Variants in COL4A5 observed in about 807,000 individuals in gnomAD.
The protein encoded by COL4A5 is collagen alpha-5(IV) chain.
Under a neutral mutation model 130.2 loss-of-function variants are expected in COL4A5, and 26 were observed. The ratio of observed to expected loss-of-function variants is 0.20; its 90% CI spans 0.15 to 0.28. COL4A5 has a LOEUF of 0.28. Among genes scored for constraint, COL4A5 ranks in the 10% least tolerant of loss-of-function variants. COL4A5 has a pLI of 1.00. For missense variants in COL4A5, 1,131 were observed against 1,344.3 expected, an observed-to-expected ratio of 0.84 and a Z score of 2.48; for synonymous variants, 496 against 439.6, an observed-to-expected ratio of 1.13 and a Z score of -1.60.
chrX:108,481,277 A>G (rs181403120), intron 1 of COL4A5, among the ~76,000 whole-genome samples: 62 of 111,230 alleles, frequency 5.6e-4, no homozygotes, highest in Non-Finnish European at 1.1e-3. Flanking sequence ...ATGCATAGTT[A>G]CCATGGTAAA....
chrX:108,642,941 A>G (rs1315756196), intron 36 of COL4A5, among the ~76,000 whole-genome samples: 1 of 110,744 alleles, frequency 9.0e-6, no homozygotes, highest in East Asian at 2.8e-4. Flanking sequence ...AGAATTCAGG[A>G]GGTTACTTAT....
chrX:108,444,986 C>T (rs747744374), intron 1 of COL4A5, among the ~76,000 whole-genome samples: 2 of 111,094 alleles, frequency 1.8e-5, no homozygotes, highest in Non-Finnish European at 3.8e-5. Context: ...TTAATTTCCT[C>T]ATTGGCAAAA....
chrX:108,511,519 GA>G (rs1226605802), intron 1 of COL4A5, among the ~76,000 whole-genome samples: 60 of 111,444 alleles, frequency 5.4e-4, no homozygotes, highest in African/African-American at 2.0e-3. Flanking sequence ...AAACAGTCTT[GA>G]AAAAGAACAA....
At chrX:108,510,885 G>A (rs1427024935) in intron 1 of COL4A5, among the ~76,000 whole-genome samples, 2 of 110,686 alleles carry the variant, frequency 1.8e-5, no homozygotes, top group Admixed American at 9.6e-5. Context: ...CATATTCATG[G>A]GGTGCATAGT....
At chrX:108,532,608 G>A (rs563316148) in intron 1 of COL4A5, among the ~76,000 whole-genome samples, 7 of 111,123 alleles carry the variant, frequency 6.3e-5, no homozygotes, top group African/African-American at 2.3e-4. Flanking sequence ...AATAAAAAAG[G>A]CATCCAAATG....
chrX:108,568,832 T>C lies in COL4A5; in HGVS notation c.384+11T>C, dbSNP rs1338748712. On this transcript the variant is annotated intron_variant, in intron 6 of 52. Coordinates refer to ENST00000328300, the MANE Select transcript of COL4A5 (RefSeq NM_033380.3). ...TGCAATGGAACCAAGGTGAGATCCA[T>C]CCATTTAATCTTGGGTAGTATACTT... is the stretch of plus-strand genomic sequence containing the variant. 1 of 1,194,552 alleles carries C rather than the reference T, an allele frequency of 8.4e-7. No individual in the cohort carries two copies.
At chrX:108,505,349 A>G (rs2065114523) in intron 1 of COL4A5, among the ~76,000 whole-genome samples, 6 of 110,680 alleles carry the variant, frequency 5.4e-5, no homozygotes, top group Admixed American at 4.8e-4. Context: ...TCATCCATGT[A>G]ACCAAAAACC....
intron 2 of COL4A5, 38 bp from the exon 3 acceptor site, chrX:108,559,026 C>T: frequency 9.0e-7 from 1 of 1,109,349 alleles, no homozygotes; most frequent in Non-Finnish European, 1.2e-6. Flanking sequence ...CTTGAAAATT[C>T]ACAAATGACC....
intron 43 of COL4A5, among the ~76,000 whole-genome samples, chrX:108,675,480 A>G (rs1285955083): frequency 9.0e-6 from 1 of 111,678 alleles, no homozygotes; most frequent in Non-Finnish European, 1.9e-5. Context: ...CAAATCATAC[A>G]TTGTGGATTA....
At chrX:108,618,990 A>G (rs2066985453) in intron 30 of COL4A5, among the ~76,000 whole-genome samples, 1 of 111,548 alleles carries the variant, frequency 9.0e-6, no homozygotes, top group Admixed American at 9.6e-5. Flanking sequence ...CCCAACTATT[A>G]AAAATCTTTG....
At chrX:108,514,975 C>T (rs1408434534) in intron 1 of COL4A5, among the ~76,000 whole-genome samples, 4 of 111,805 alleles carry the variant, frequency 3.6e-5, no homozygotes, top group Non-Finnish European at 7.5e-5. Flanking sequence ...GGTATAGCAT[C>T]TCCAATCAAT....
chrX:108,586,364 T>G (rs2066335373), intron 18 of COL4A5, among the ~76,000 whole-genome samples: 2 of 111,381 alleles, frequency 1.8e-5, no homozygotes, highest in Non-Finnish European at 3.8e-5. Flanking sequence ...ATGAATTGAA[T>G]GTGAATTATA....
intron 49 of COL4A5, among the ~76,000 whole-genome samples, chrX:108,689,067 C>A (rs1439138269): frequency 9.0e-6 from 1 of 111,026 alleles, no homozygotes; most frequent in East Asian, 2.8e-4. Flanking sequence ...TTCTTTTTTT[C>A]TTCCGTTTAT....
At chrX:108,498,238 A>T (rs2065050434) in intron 1 of COL4A5, among the ~76,000 whole-genome samples, 1 of 111,313 alleles carries the variant, frequency 9.0e-6, no homozygotes, top group African/African-American at 3.3e-5. Context: ...TTTCATCAAA[A>T]TTTATTGGAG....
rs759126380 is a variant in COL4A5 at position 108,501,905 on chromosome X, A to T, written c.82-37841A>T. 2.0e-4 allele frequency among the ~76,000 whole-genome samples: 22 copies of T among 112,482 alleles called. No homozygotes were observed. The South Asian group carries it at 2.9e-3, about 15-fold the overall frequency. ...ATTTCCCTTAGACTATTTGAGAGGT[A>T]GGAAACCAAGGGAGAAGGAAATGGA... On this transcript the variant is annotated intron_variant, in intron 1 of 52. Coordinates refer to ENST00000328300, the MANE Select transcript of COL4A5 (RefSeq NM_033380.3).
At chrX:108,533,081 G>T (rs1209724888) in intron 1 of COL4A5, among the ~76,000 whole-genome samples, 2 of 111,578 alleles carry the variant, frequency 1.8e-5, no homozygotes, top group Non-Finnish European at 3.8e-5. Context: ...AATAGCCAAT[G>T]CAACCCTGAC....
intron 1 of COL4A5, among the ~76,000 whole-genome samples, chrX:108,458,248 G>T (rs73638860): frequency 0.019 from 2,122 of 111,704 alleles, 37 homozygotes; most frequent in East Asian, 0.075. Flanking sequence ...TTTGGTAAGA[G>T]TTCTGGTTCA....
In COL4A5 at chrX:108,526,725, CTT is replaced by C. The variant is rs1569481253; in HGVS notation, c.82-13020_82-13019del. On this transcript the variant is annotated intron_variant, in intron 1 of 52. Transcript: ENST00000328300. ...TCTTTCTTTCTTTCTTTCTTTCTTT[CTT>C]CCTCCTCCTCCTCCTTCTTCTTCTT... is the stretch of plus-strand genomic sequence containing the variant. Among the ~76,000 whole-genome samples the C allele has an allele frequency of 3.6e-4, 29 of 80,332 alleles. 1 individual carries two copies. Among genetic ancestry groups the C allele is most frequent in the Admixed American group, 1.8e-3 (12 of 6,639 alleles). The allele number at this position is 80,332 out of a possible 115,157, so 69.8% of individuals were successfully genotyped here. A position where few individuals can be genotyped will look rare whatever the true frequency, so the allele number is the denominator to read the frequency against.
intron 1 of COL4A5, among the ~76,000 whole-genome samples, chrX:108,458,625 A>C (rs2064607984): frequency 9.0e-6 from 1 of 111,590 alleles, no homozygotes; most frequent in South Asian, 3.7e-4. Context: ...TTTTGGGAAA[A>C]ATGATGTCTT....
Sources: gnomAD v4.1 joint callset for allele counts (sites outside exome capture counted in the v4.1 genomes callset) on GRCh38, gnomAD v4.1.1 for gene constraint, MANE v1.5 for transcripts, NCBI Gene and HGNC (gene_info 2026-07-23, HGNC 2026-07-21) for gene names.